The following KLC1 variants were observed in gnomAD, a reference collection of about 807,000 sequenced individuals.
The protein encoded by KLC1 is kinesin 2 60/70kDa.
Under a neutral mutation model 84.2 loss-of-function variants are expected in KLC1, and 30 were observed. The observed-to-expected ratio is 0.36, with a 90% confidence interval of 0.27 to 0.48. The LOEUF is 0.48. Among genes scored for constraint, KLC1 ranks in the 20% least tolerant of loss-of-function variants. KLC1 has a pLI of 0.99. For missense variants in KLC1, 499 were observed against 805.4 expected, an observed-to-expected ratio of 0.62 and a Z score of 4.60; for synonymous variants, 289 against 293.3, an observed-to-expected ratio of 0.99 and a Z score of 0.15.
intron 15 of KLC1, chr14:103,696,312 C>CG: frequency 7.1e-6 from 7 of 985,294 alleles, no homozygotes; most frequent in Non-Finnish European, 8.4e-6. Flanking sequence ...CGGTGGTGCC[C>CG]GCGGGTGGCA....
chr14:103,630,397 G>C lies in KLC1; in HGVS notation c.-2+903G>C, dbSNP rs1161667675. The stretch of plus-strand genomic sequence containing the variant: ...AATGAATTAAGAATTTACATATTAA[G>C]CGTTTGAAAAGGAATACTTACAAAA... On this transcript the variant is annotated intron_variant, in intron 1 of 16. Coordinates refer to ENST00000334553, the MANE Select transcript of KLC1 (RefSeq NM_001394837.1). Among the ~76,000 whole-genome samples the C allele has an allele frequency of 4.6e-5, 7 of 152,292 alleles. No homozygotes were observed. The South Asian group carries it at 1.4e-3, about 32-fold the overall frequency.
chr14:103,656,273 C>T lies in KLC1; in HGVS notation c.262-1273C>T, dbSNP rs114901944. Among the ~76,000 whole-genome samples, 929 of 152,248 alleles carry T rather than the reference C, an allele frequency of 6.1e-3. 9 individuals are homozygous for T. The highest frequency in any genetic ancestry group is 0.022 in the African/African-American group (894 of 41,544). ...CACTTACAGTGGCAGGTCCTTAAGC[C>T]TAAGGAAGGAGAATGGACACTGGCC... On this transcript the variant is annotated intron_variant, in intron 2 of 16. Coordinates refer to ENST00000334553, the MANE Select transcript of KLC1 (RefSeq NM_001394837.1).
chr14:103,681,743 C>T (rs1205920239), intron 13 of KLC1, among the ~76,000 whole-genome samples: 1 of 152,198 alleles, frequency 6.6e-6, no homozygotes, highest in Non-Finnish European at 1.5e-5. Context: ...AGGCATAAAC[C>T]ACCGACTTTT....
rs1428788115 is a variant in KLC1 at position 103,670,376 on chromosome 14, C to T, written c.987+93C>T. 4 of 792,356 alleles carry T rather than the reference C, an allele frequency of 5.0e-6. No homozygotes were observed. In the African/African-American group the frequency reaches 7.4e-5, roughly 15 times the overall value. 49.1% of individuals were successfully genotyped at this position (792,356 alleles called of 1,614,324 possible). A position where few individuals can be genotyped will look rare whatever the true frequency, so the allele number is the denominator to read the frequency against. On this transcript the variant is annotated intron_variant, in intron 7 of 16. Transcript: ENST00000334553. Reference sequence around the variant, plus strand: ...TTTTTGAGATGGAGTCTCGTTCTGTCACCGGGCTGGAGTGCGGTGGCGTGA... The same window carrying T: ...TTTTTGAGATGGAGTCTCGTTCTGTTACCGGGCTGGAGTGCGGTGGCGTGA...
intron 15 of KLC1, chr14:103,696,103 CCGCCCCCCCCCA>C: frequency 1.9e-6 from 1 of 521,244 alleles, no homozygotes; most frequent in Non-Finnish European, 2.4e-6. Context: ...CCCCCGCCCC[CCGCCCCCCCCCA>C]CAGCAGCCGT....
chr14:103,652,914 A>T, intron 1 of KLC1, among the ~76,000 whole-genome samples: 1 of 152,208 alleles, frequency 6.6e-6, no homozygotes, highest in East Asian at 1.9e-4. Flanking sequence ...ATGGAAAAAG[A>T]AAATCATTTT....
intron 15 of KLC1, chr14:103,695,372 T>C (rs912628768): frequency 2.1e-4 from 183 of 874,676 alleles, no homozygotes; most frequent in Non-Finnish European, 2.4e-4. Context: ...CATACATATA[T>C]ATACATATAT....
At chr14:103,669,763 C>A (rs2080221396) in intron 6 of KLC1, among the ~76,000 whole-genome samples, 165 bp downstream of exon 6, 1 of 152,182 alleles carries the variant, frequency 6.6e-6, no homozygotes. Flanking sequence ...TAGTGACAGG[C>A]CAGAGCACAC....
At chr14:103,699,057 G>C in intron 15 of KLC1, 2 of 1,564,574 alleles carry the variant, frequency 1.3e-6, no homozygotes, top group Non-Finnish European at 1.7e-6. Context: ...CTCAGGCTTG[G>C]TGGCCCCGCC....
chr14:103,640,308 C>G (rs535659722), intron 1 of KLC1, among the ~76,000 whole-genome samples: 71 of 152,200 alleles, frequency 4.7e-4, no homozygotes, highest in African/African-American at 1.5e-3. Context: ...GATCGACCCA[C>G]CTTGGCCTCC....
At chr14:103,690,955 A>G (rs796735078) in intron 14 of KLC1, among the ~76,000 whole-genome samples, 4 of 152,326 alleles carry the variant, frequency 2.6e-5, no homozygotes, top group African/African-American at 9.6e-5. Flanking sequence ...TTTACTAACA[A>G]TAAAGTTGAT....
intron 1 of KLC1, among the ~76,000 whole-genome samples, chr14:103,649,402 A>AG (rs1202194607): frequency 6.6e-6 from 1 of 152,074 alleles, no homozygotes; most frequent in African/African-American, 2.4e-5. Context: ...TCATTATGTT[A>AG]GGTAGTGACT....
Position 103,629,391 on chromosome 14 carries a change from C to G in KLC1, c.-105C>G, listed in dbSNP as rs1167901699. On this transcript the variant is annotated 5_prime_UTR_variant, in exon 1 of 17. Coordinates refer to ENST00000334553, the MANE Select transcript of KLC1 (RefSeq NM_001394837.1). ...CTGGTGACTGCTGCGCCGTGCCTCA[C>G]ACAGCCGAGGCGGGCTCGGCGCACA... The G allele has an allele frequency of 6.6e-6, 1 of 152,158 alleles. No individual in the cohort carries two copies. The highest frequency in any genetic ancestry group is 1.5e-5 in the Non-Finnish European group (1 of 68,044). 9.4% of individuals were successfully genotyped at this position (152,158 alleles called of 1,614,324 possible).
chr14:103,699,514 G>A, intron 15 of KLC1: 2 of 1,613,194 alleles, frequency 1.2e-6, no homozygotes, highest in Non-Finnish European at 1.7e-6. Flanking sequence ...TGACCACCAG[G>A]CGAGCCATGC....
At chr14:103,688,640 C>T (rs2081926449) in intron 14 of KLC1, among the ~76,000 whole-genome samples, 1 of 152,016 alleles carries the variant, frequency 6.6e-6, no homozygotes, top group Non-Finnish European at 1.5e-5. Context: ...GTGGGAGTCT[C>T]TGTCGTGGAT....
At chr14:103,654,941 C>T (rs2078716958) in intron 2 of KLC1, 116 bp downstream of exon 2, 2 of 1,211,106 alleles carry the variant, frequency 1.7e-6, no homozygotes, top group Non-Finnish European at 2.3e-6. Context: ...ATAACAGATC[C>T]AGGCCGAGTG....
At chr14:103,699,131 AC>A in intron 15 of KLC1, 1 of 1,572,712 alleles carries the variant, frequency 6.4e-7, no homozygotes. Flanking sequence ...GGCTGCACTC[AC>A]CCCAGCGGCC....
chr14:103,677,552 C>T (rs553893678), intron 12 of KLC1, 29 bp downstream of exon 12: 4 of 1,339,466 alleles, frequency 3.0e-6, no homozygotes, highest in East Asian at 2.3e-5. Context: ...CTTAACCGGC[C>T]CATGGGAACT....
chr14:103,693,872 A>T lies in KLC1; in HGVS notation c.1848+1447A>T. On this transcript the variant is annotated intron_variant, in intron 15 of 16. Coordinates refer to ENST00000334553, the MANE Select transcript of KLC1 (RefSeq NM_001394837.1). The surrounding 1 kb of genome is among the most constrained non-coding windows in gnomAD (Gnocchi z 5.1). ...CGGCCAGGCTGGCTCAGGGAGGCCG[A>T]GGTGGCGCTGAGGTGGCTTCAGCAC... 7.4e-7 allele frequency: 1 copy of T among 1,354,326 alleles called. No homozygotes were observed. Among genetic ancestry groups the T allele is most frequent in the South Asian group, 1.8e-5 (1 of 55,174 alleles). 83.9% of individuals were successfully genotyped at this position (1,354,326 alleles called of 1,614,324 possible). A position where few individuals can be genotyped will look rare whatever the true frequency, so the allele number is the denominator to read the frequency against.
Sources: allele counts gnomAD v4.1 joint callset (sites outside exome capture counted in the v4.1 genomes callset), GRCh38; gene constraint gnomAD v4.1.1; non-coding constraint Gnocchi (gnomAD v3.1); transcripts MANE v1.5; gene names NCBI Gene and HGNC (gene_info 2026-07-23, HGNC 2026-07-21).